The following PPFIA2 variants were observed in gnomAD, a reference collection of about 807,000 sequenced individuals.
The protein encoded by PPFIA2 is PPFI scaffold protein A2.
A neutral mutation model predicts 175.5 loss-of-function variants in PPFIA2; 46 were observed. The observed-to-expected ratio is 0.26, with a 90% CI of 0.21 to 0.34. The LOEUF is 0.34. Among genes scored for constraint, PPFIA2 ranks in the 10% least tolerant of loss-of-function variants. The pLI is 1.00. For missense variants in PPFIA2, 1,179 were observed against 1,506.1 expected (o/e 0.78, Z 3.60); for synonymous variants, 568 against 511.4 (o/e 1.11, Z -1.49).
At chr12:81,449,709 T>C (rs1438709661) in intron 5 of PPFIA2, among the ~76,000 whole-genome samples, 1 of 152,028 alleles carries the variant, frequency 6.6e-6, no homozygotes, top group Admixed American at 6.5e-5. Flanking sequence ...TACATATGTA[T>C]ACATGTGCCA....
chr12:81,475,776 G>A (rs1181725539), intron 4 of PPFIA2, among the ~76,000 whole-genome samples: 6 of 152,130 alleles, frequency 3.9e-5, no homozygotes, highest in East Asian at 1.9e-4. Flanking sequence ...GTAGTGGCGC[G>A]ATCTCGGCTC....
At chr12:81,303,470 A>G (rs2048373491) in intron 22 of PPFIA2, among the ~76,000 whole-genome samples, 1 of 152,214 alleles carries the variant, frequency 6.6e-6, no homozygotes, top group Admixed American at 6.5e-5. Context: ...ACAAACAAGA[A>G]AAGTACTAAT....
chr12:81,569,865 T>C (rs74106656), intron 4 of PPFIA2, among the ~76,000 whole-genome samples: 3,487 of 152,228 alleles, frequency 0.023, 133 homozygotes, highest in African/African-American at 0.08. Context: ...AGGTTAGAAA[T>C]GATTATGTCA....
chr12:81,626,212 A>T (rs1237457919), intron 4 of PPFIA2, among the ~76,000 whole-genome samples: 1 of 150,672 alleles, frequency 6.6e-6, no homozygotes, highest in Non-Finnish European at 1.5e-5. Context: ...ATACTAGGTT[A>T]AAAAAAAGGG....
At chr12:81,363,239 G>T (rs1392632163) in intron 14 of PPFIA2, among the ~76,000 whole-genome samples, 1 of 151,352 alleles carries the variant, frequency 6.6e-6, no homozygotes, top group African/African-American at 2.4e-5. Flanking sequence ...CTTTTACTCT[G>T]CATGAGATAG....
In PPFIA2 at chr12:81,263,211, G is replaced by T; in HGVS notation, c.3715+20C>A. 1.3e-6 allele frequency: 2 copies of T among 1,575,988 alleles called. No homozygotes were observed. Among genetic ancestry groups the T allele is most frequent in the East Asian group, 2.3e-5 (1 of 44,210 alleles). ...AAACAAGCTTTTTGCTTGATAAGCA[G>T]CAATGCAAAACTACTGTACCATCTG... On this transcript the variant is annotated intron_variant, in intron 31 of 32. Coordinates refer to ENST00000549396, the MANE Select transcript of PPFIA2 (RefSeq NM_003625.5).
intron 4 of PPFIA2, among the ~76,000 whole-genome samples, chr12:81,584,554 T>G (rs1325551046): frequency 6.6e-6 from 1 of 151,244 alleles, no homozygotes; most frequent in Non-Finnish European, 1.5e-5. Context: ...AGTGCGTAAT[T>G]AGGTGATTTT....
At chr12:81,728,996 A>T (rs1409949780) in intron 3 of PPFIA2, among the ~76,000 whole-genome samples, 1 of 151,474 alleles carries the variant, frequency 6.6e-6, no homozygotes, top group Non-Finnish European at 1.5e-5. Flanking sequence ...ATACCAAAAG[A>T]ACGTACAATT....
intron 30 of PPFIA2, among the ~76,000 whole-genome samples, chr12:81,264,114 T>C (rs925604808): frequency 5.3e-5 from 8 of 152,162 alleles, no homozygotes; most frequent in African/African-American, 9.7e-5. Flanking sequence ...TCCCATTTAA[T>C]TGGCCCAGTA....
At chr12:81,366,203 A>T (rs1202012831) in intron 14 of PPFIA2, among the ~76,000 whole-genome samples, 3 of 151,224 alleles carry the variant, frequency 2.0e-5, no homozygotes, top group African/African-American at 7.3e-5. Flanking sequence ...TTTCTTCTTT[A>T]AAAAAATAAG....
At chr12:81,623,779 T>G (rs1035543621) in intron 4 of PPFIA2, among the ~76,000 whole-genome samples, 1 of 151,864 alleles carries the variant, frequency 6.6e-6, no homozygotes. Flanking sequence ...TAAGATATAG[T>G]GAAAGTAAGA....
intron 26 of PPFIA2, 59 bp from the exon 27 acceptor site, chr12:81,281,509 T>C: frequency 8.8e-7 from 1 of 1,133,280 alleles, no homozygotes; most frequent in South Asian, 1.7e-5. Flanking sequence ...GGTAATTGGA[T>C]AATATTACCT....
At chr12:81,290,489 T>C (rs1399275579) in intron 24 of PPFIA2, among the ~76,000 whole-genome samples, 1 of 151,804 alleles carries the variant, frequency 6.6e-6, no homozygotes, top group African/African-American at 2.4e-5. Flanking sequence ...CAACTTAACT[T>C]GTCTCATAGA....
chr12:81,415,693 A>G (rs1223374220), intron 7 of PPFIA2, among the ~76,000 whole-genome samples: 3 of 147,296 alleles, frequency 2.0e-5, no homozygotes, highest in African/African-American at 7.6e-5. Context: ...AAACAGAATG[A>G]TTCCAATAGC....
chr12:81,570,162 A>G (rs7307570), intron 4 of PPFIA2, among the ~76,000 whole-genome samples: 15,056 of 152,264 alleles, frequency 0.099, 897 homozygotes, highest in Middle Eastern at 0.18. Context: ...AACATCATAT[A>G]TATTATCTTG....
intron 14 of PPFIA2, among the ~76,000 whole-genome samples, chr12:81,364,354 A>T (rs2032314105): frequency 6.6e-6 from 1 of 151,788 alleles, no homozygotes; most frequent in South Asian, 2.1e-4. Flanking sequence ...GATAGGCAAC[A>T]ATTGAAGGAT....
intron 5 of PPFIA2, among the ~76,000 whole-genome samples, chr12:81,446,395 G>A (rs565167720): frequency 6.6e-6 from 1 of 152,262 alleles, no homozygotes; most frequent in South Asian, 2.1e-4. Flanking sequence ...GACTTTCCAG[G>A]CTGTTTCAGG....
chr12:81,671,156 A>G (rs1241422189), intron 4 of PPFIA2, among the ~76,000 whole-genome samples: 1 of 151,756 alleles, frequency 6.6e-6, no homozygotes, highest in Non-Finnish European at 1.5e-5. Flanking sequence ...AAAATGCTCT[A>G]TCTCGTTGGT....
At chr12:81,576,221 C>T (rs139410408) in intron 4 of PPFIA2, among the ~76,000 whole-genome samples, 1 of 151,652 alleles carries the variant, frequency 6.6e-6, no homozygotes, top group Admixed American at 6.6e-5. Context: ...AGGCAGGTAG[C>T]AGTACCTATC....
Sources: allele counts gnomAD v4.1 joint callset (sites outside exome capture counted in the v4.1 genomes callset), GRCh38; gene constraint gnomAD v4.1.1; transcripts MANE v1.5; gene names NCBI Gene and HGNC (gene_info 2026-07-23, HGNC 2026-07-21).